FBXL2: variants seen among roughly 807,000 people sequenced by gnomAD.
The protein encoded by FBXL2 is F-box/LRR-repeat protein 2.
In FBXL2, 38 loss-of-function variants were observed where a neutral mutation model predicts 69.2. The ratio of observed to expected loss-of-function variants is 0.55; its 90% confidence interval spans 0.42 to 0.72. The LOEUF (loss-of-function observed/expected upper bound fraction) is 0.72. FBXL2 is among the 30% of genes least tolerant of loss of function. The probability of loss-of-function intolerance (pLI) is 0.00; values close to 1 mark genes in which losing one functional copy is unlikely to be tolerated. For synonymous variants in FBXL2, 192 were observed against 201.3 expected, an observed-to-expected ratio of 0.95 and a Z score of 0.39; for missense variants, 354 against 520.3, an observed-to-expected ratio of 0.68 and a Z score of 3.11.
Position 33,313,615 on chromosome 3 carries a change from G to GT in FBXL2, c.65+15894dup, listed in dbSNP as rs766273521. 6.7e-5 allele frequency among the ~76,000 whole-genome samples: 10 copies of GT among 148,366 alleles called. 1 individual carries two copies. Among genetic ancestry groups the GT allele is most frequent in the Non-Finnish European group, 1.0e-4 (7 of 67,322 alleles). On this transcript the variant is annotated intron_variant, in intron 2 of 14. Transcript: ENST00000484457. The stretch of plus-strand genomic sequence containing the variant: ...TACATGCCACCATGCTCAGATAATT[G>GT]TTTTATTTTTTTTGTAGTGGCAGGG...
At chr3:33,378,783 G>GA in intron 13 of FBXL2, 42 bp downstream of exon 13, 1 of 1,613,976 alleles carries the variant, frequency 6.2e-7, no homozygotes, top group South Asian at 1.1e-5. Context: ...TGTTAAAGAT[G>GA]AAAGAGCCCT....
At chr3:33,360,382 A>T (rs1205644245) in intron 4 of FBXL2, among the ~76,000 whole-genome samples, 1 of 152,136 alleles carries the variant, frequency 6.6e-6, no homozygotes, top group African/African-American at 2.4e-5. Flanking sequence ...ACTGCCTGAG[A>T]GTCTCTGGTT....
intron 2 of FBXL2, among the ~76,000 whole-genome samples, chr3:33,333,194 A>G (rs1276113742): frequency 6.6e-6 from 1 of 152,208 alleles, no homozygotes. Flanking sequence ...AATGGATTAA[A>G]TTGCACACTT....
chr3:33,332,787 G>C (rs907056626), intron 2 of FBXL2, among the ~76,000 whole-genome samples: 1 of 152,164 alleles, frequency 6.6e-6, no homozygotes, highest in African/African-American at 2.4e-5. Flanking sequence ...TTTGTGTATA[G>C]AAAAGATACA....
chr3:33,315,193 T>C (rs112034158), intron 2 of FBXL2, among the ~76,000 whole-genome samples: 2,175 of 151,962 alleles, frequency 0.014, 22 homozygotes, highest in South Asian at 0.037. Flanking sequence ...CTTTCCTTTC[T>C]TTTCTTTTCT....
rs1408344628 is a variant in FBXL2 at position 33,373,588 on chromosome 3, C to G, written c.466C>G (p.Arg156Gly). The G allele has an allele frequency of 4.3e-6, 7 of 1,613,974 alleles. No individual in the cohort carries two copies. In the Admixed American group the frequency reaches 1.0e-4, roughly 23 times the overall value. The change falls in exon 8 of 15, where the codon CGA becomes GGA. Residue 156 changes from arginine (R) to glycine (G), a missense_variant. Transcript: ENST00000484457. ...TTCTTGTTCTCTCAGTGAGGGCTGCCGAAACCTGGAGTACCTGAACCTCTC... is the reference window on the plus strand; with the variant it reads ...TTCTTGTTCTCTCAGTGAGGGCTGCGGAAACCTGGAGTACCTGAACCTCTC... The part of the protein sequence containing the change: ...SSLKGISEGC[R>G]NLEYLNLSWC...
chr3:33,409,572 T>C, the FBXL2 span: 6 of 1,614,238 alleles, frequency 3.7e-6, no homozygotes, highest in Admixed American at 1.7e-5. Flanking sequence ...CGTGCTTCCG[T>C]GGAGTAAATT....
chr3:33,375,031 C>T (rs911896790), intron 9 of FBXL2, among the ~76,000 whole-genome samples: 1 of 152,040 alleles, frequency 6.6e-6, no homozygotes, highest in Non-Finnish European at 1.5e-5. Flanking sequence ...AACTTTTATT[C>T]TCCATTTATA....
At chr3:33,416,682 A>G in the FBXL2 span, 1 of 1,169,790 alleles carries the variant, frequency 8.5e-7, no homozygotes, top group East Asian at 2.5e-5. Flanking sequence ...TATTGAAGTG[A>G]AATTAATTTT....
At chr3:33,279,890 T>C (rs909829141) in intron 1 of FBXL2, among the ~76,000 whole-genome samples, 2 of 152,162 alleles carry the variant, frequency 1.3e-5, no homozygotes, top group Admixed American at 1.3e-4. Context: ...GTAACTTGCC[T>C]AGGTCACCCC....
chr3:33,409,921 T>G, the FBXL2 span, among the ~76,000 whole-genome samples: 6 of 152,360 alleles, frequency 3.9e-5, no homozygotes, highest in East Asian at 1.2e-3. Context: ...CACCTTGGAC[T>G]GTCTGCTCAT....
At chr3:33,377,956 G>A in intron 11 of FBXL2, 147 bp from the exon 12 acceptor site, 1 of 753,772 alleles carries the variant, frequency 1.3e-6, no homozygotes, top group Non-Finnish European at 2.3e-6. Context: ...AGAAGTGCTG[G>A]TTTACTGGGT....
At chr3:33,280,210 TACTC>T (rs1460186853) in intron 1 of FBXL2, among the ~76,000 whole-genome samples, 3 of 152,362 alleles carry the variant, frequency 2.0e-5, no homozygotes, top group East Asian at 3.9e-4. Flanking sequence ...TCAGCATTCT[TACTC>T]ACAGCTATAC....
intron 1 of FBXL2, among the ~76,000 whole-genome samples, chr3:33,286,618 T>C (rs1021263286): frequency 3.9e-5 from 6 of 152,264 alleles, no homozygotes; most frequent in Admixed American, 3.3e-4. Flanking sequence ...TTTGTTCAGC[T>C]GTGCCCTGCC....
chr3:33,328,685 G>A (rs75024206), intron 2 of FBXL2, among the ~76,000 whole-genome samples: 13,977 of 151,934 alleles, frequency 0.092, 666 homozygotes, highest in Admixed American at 0.1. Flanking sequence ...CTCACCAGAT[G>A]CAAAACCCAA....
At chr3:33,356,367 T>G (rs2041200569) in intron 2 of FBXL2, among the ~76,000 whole-genome samples, 1 of 152,134 alleles carries the variant, frequency 6.6e-6, no homozygotes, top group Admixed American at 6.5e-5. Context: ...GTTTTGTTTT[T>G]TTGAGATGGA....
chr3:33,370,546 T>C (rs1381982952), intron 5 of FBXL2, among the ~76,000 whole-genome samples: 1 of 152,222 alleles, frequency 6.6e-6, no homozygotes, highest in Non-Finnish European at 1.5e-5. Flanking sequence ...GTCACCCTTA[T>C]GTTTTATTCT....
chr3:33,421,516 C>T, the FBXL2 span, among the ~76,000 whole-genome samples: 443 of 152,204 alleles, frequency 2.9e-3, 14 homozygotes, highest in East Asian at 0.075. Context: ...GTGATCTGCC[C>T]ACCTCAGCCT....
At position 33,384,109 on chromosome 3, in the gene FBXL2, G is replaced by A. The variant is rs2043246373; in HGVS notation, c.1072G>A (p.Ala358Thr). Residue 358 changes from alanine (A) to threonine (T), a missense_variant, in exon 14 of 15, where the codon GCC (alanine) becomes ACC (threonine). Physicochemically the swap from Ala to Thr is moderately conservative, Grantham distance 58 (BLOSUM62 0). Transcript: ENST00000484457. ...LDNCLLITDVALEHLENCRGL... is the reference protein window; with the variant it reads ...LDNCLLITDVTLEHLENCRGL... ...CAACTGCCTCCTCATCACTGATGTG[G>A]CCCTGGAACACCTAGAGAACTGCCG... 3 of 1,614,030 alleles carry A rather than the reference G, an allele frequency of 1.9e-6. No homozygotes were observed. Among genetic ancestry groups the A allele is most frequent in the Admixed American group, 3.3e-5 (2 of 59,992 alleles).
Sources: gnomAD v4.1 joint callset for allele counts (sites outside exome capture counted in the v4.1 genomes callset) on GRCh38, gnomAD v4.1.1 for gene constraint, MANE v1.5 for transcripts, NCBI Gene and HGNC (gene_info 2026-07-23, HGNC 2026-07-21) for gene names.